The following TRPS1 variants were observed in gnomAD, a reference collection of about 807,000 sequenced individuals.
The protein encoded by TRPS1 is transcriptional repressor GATA binding 1.
A neutral mutation model predicts 101.2 loss-of-function variants in TRPS1; 6 were observed. The observed-to-expected ratio is 0.06, with a 90% CI of 0.03 to 0.12. TRPS1 has a LOEUF of 0.12. Among genes scored for constraint, TRPS1 ranks in the 10% least tolerant of loss-of-function variants. The probability of loss-of-function intolerance (pLI) is 1.00; values close to 1 mark genes in which losing one functional copy is unlikely to be tolerated. For synonymous variants in TRPS1, 578 were observed against 589.8 expected, an observed-to-expected ratio of 0.98 and a Z score of 0.29; for missense variants, 1,363 against 1,567.0, an observed-to-expected ratio of 0.87 and a Z score of 2.20.
chr8:115,441,611 T>A (rs1813594372), intron 5 of TRPS1, among the ~76,000 whole-genome samples: 1 of 152,060 alleles, frequency 6.6e-6, no homozygotes, highest in African/African-American at 2.4e-5. Flanking sequence ...TAGTAAGAAA[T>A]CATGCTTAGT....
chr8:115,636,254 T>C (rs1586480990), intron 1 of TRPS1, among the ~76,000 whole-genome samples: 1 of 152,196 alleles, frequency 6.6e-6, no homozygotes, highest in South Asian at 2.1e-4. Context: ...ACACATTTAA[T>C]TTCCAATAGG....
chr8:115,455,708 C>T (rs1488351696), intron 5 of TRPS1, among the ~76,000 whole-genome samples: 1 of 151,782 alleles, frequency 6.6e-6, no homozygotes, highest in African/African-American at 2.4e-5. Flanking sequence ...TTTCCTTTTT[C>T]CTCCAAAGAC....
At chr8:115,497,900 C>T (rs2130128815) in intron 5 of TRPS1, among the ~76,000 whole-genome samples, 1 of 147,868 alleles carries the variant, frequency 6.8e-6, no homozygotes, top group South Asian at 2.2e-4. Flanking sequence ...AGATTAGAGG[C>T]ATCCAAAAAG....
chr8:115,560,235 C>T (rs1816914944), intron 5 of TRPS1, among the ~76,000 whole-genome samples: 1 of 152,096 alleles, frequency 6.6e-6, no homozygotes. Flanking sequence ...ATTTATAAAA[C>T]AGGTCAGGAA....
At position 115,587,574 on chromosome 8, in the gene TRPS1, C is replaced by A. The variant is rs755741281; in HGVS notation, c.2127G>T (p.Gln709His). The change falls in exon 5 of 7, where the codon CAG (glutamine) becomes CAT (histidine). Residue 709 changes from glutamine (Q) to histidine (H), a missense_variant. Gln to His is a conservative substitution (Grantham distance 24, BLOSUM62 0). This residue lies in a region of TRPS1 where 1,020 missense variants were observed against 1,073.0 expected (regional missense o/e 0.95). Coordinates refer to ENST00000395715, the MANE Select transcript of TRPS1 (RefSeq NM_014112.5). The part of the protein sequence containing the change: ...RRAHSCYKCR[Q>H]CSFTAADTQS... The stretch of plus-strand genomic sequence containing the variant: ...GAGTATCGGCAGCTGTAAAACTGCA[C>A]TGACGGCATTTGTAGCAGCTGTGTG... 3.1e-6 allele frequency: 5 copies of A among 1,614,028 alleles called. No individual in the cohort carries two copies. In the South Asian group the frequency reaches 5.5e-5, roughly 18 times the overall value.
intron 5 of TRPS1, among the ~76,000 whole-genome samples, chr8:115,573,441 AC>A: frequency 6.6e-6 from 1 of 152,118 alleles, no homozygotes; most frequent in Non-Finnish European, 1.5e-5. Flanking sequence ...TGTCACCCGC[AC>A]ATATAAACTT....
chr8:115,647,786 A>T (rs1189756689), intron 1 of TRPS1, among the ~76,000 whole-genome samples: 1 of 152,150 alleles, frequency 6.6e-6, no homozygotes, highest in African/African-American at 2.4e-5. Context: ...ATTTTGTTAT[A>T]TTCATTTGAG....
intron 5 of TRPS1, among the ~76,000 whole-genome samples, chr8:115,574,707 C>T (rs1385196842): frequency 6.6e-6 from 1 of 150,736 alleles, no homozygotes; most frequent in Non-Finnish European, 1.5e-5. Context: ...AGAAATTTGA[C>T]ATATTAAGAA....
In TRPS1 at chr8:115,604,179, G is replaced by A. The variant is rs762906317; in HGVS notation, c.1790C>T (p.Pro597Leu). The change falls in exon 4 of 7, where the codon CCG (proline) becomes CTG (leucine). Residue 597 changes from proline (P) to leucine (L), a missense_variant. Pro to Leu is a moderately conservative substitution (Grantham distance 98). This residue lies in a region of TRPS1 where 1,020 missense variants were observed against 1,073.0 expected (regional missense o/e 0.95). Transcript: ENST00000395715. The surrounding 1 kb of genome is among the most constrained non-coding windows in gnomAD (Gnocchi z 4.1). ...PEKHLGEITYPFACRKSNCSH... is the reference protein window; with the variant it reads ...PEKHLGEITYLFACRKSNCSH... ...ACAATTACTTTTTCTACAAGCAAAC[G>A]GATAAGTAATTTCTCCAAGGTGCTT... 6.2e-6 allele frequency: 10 copies of A among 1,614,040 alleles called. No individual in the cohort carries two copies. Among genetic ancestry groups the A allele is most frequent in the South Asian group, 5.5e-5 (5 of 91,074 alleles).
intron 5 of TRPS1, among the ~76,000 whole-genome samples, chr8:115,427,127 A>G (rs1223584728): frequency 6.6e-6 from 1 of 152,028 alleles, no homozygotes; most frequent in Middle Eastern, 3.4e-3. Context: ...TAAAAAAAAA[A>G]TTAGTTGGGT....
intron 5 of TRPS1, among the ~76,000 whole-genome samples, chr8:115,561,829 C>T (rs1012022910): frequency 6.6e-5 from 10 of 151,652 alleles, no homozygotes; most frequent in African/African-American, 2.4e-4. Context: ...ACTTACAACC[C>T]CATCTAAAAA....
At chr8:115,492,784 G>A (rs373334054) in intron 5 of TRPS1, among the ~76,000 whole-genome samples, 1 of 152,098 alleles carries the variant, frequency 6.6e-6, no homozygotes, top group Admixed American at 6.5e-5. Flanking sequence ...CAAGATCTCG[G>A]CTCACTGCAA....
At chr8:115,516,712 T>C (rs562363889) in intron 5 of TRPS1, among the ~76,000 whole-genome samples, 4 of 151,670 alleles carry the variant, frequency 2.6e-5, no homozygotes, top group South Asian at 4.1e-4. Flanking sequence ...GTAGGCAAGG[T>C]AGTATAGTTA....
intron 1 of TRPS1, among the ~76,000 whole-genome samples, chr8:115,625,220 T>C (rs1398625878): frequency 1.3e-5 from 2 of 151,890 alleles, no homozygotes; most frequent in Admixed American, 6.6e-5. Context: ...AATCAAAACA[T>C]GAGTAAAAAT....
At chr8:115,566,122 A>G (rs1817062227) in intron 5 of TRPS1, among the ~76,000 whole-genome samples, 1 of 152,150 alleles carries the variant, frequency 6.6e-6, no homozygotes, top group African/African-American at 2.4e-5. Flanking sequence ...TGCATGGGCA[A>G]AAGTTAAGTA....
intron 5 of TRPS1, among the ~76,000 whole-genome samples, chr8:115,516,332 T>C (rs1047041486): frequency 1.3e-5 from 2 of 151,668 alleles, no homozygotes; most frequent in Admixed American, 1.3e-4. Context: ...CTACATTTTA[T>C]ATTGTTATAT....
intron 5 of TRPS1, among the ~76,000 whole-genome samples, chr8:115,486,714 A>G (rs1339689873): frequency 6.6e-6 from 1 of 152,214 alleles, no homozygotes; most frequent in Non-Finnish European, 1.5e-5. Context: ...GTCTAACCCA[A>G]AGCAAGGCCC....
chr8:115,607,577 G>A (rs886891128), intron 3 of TRPS1, among the ~76,000 whole-genome samples: 3 of 151,808 alleles, frequency 2.0e-5, no homozygotes, highest in Non-Finnish European at 2.9e-5. Flanking sequence ...AAAACTCACG[G>A]ATCTCATTTA....
At chr8:115,448,967 G>A (rs1344295369) in intron 5 of TRPS1, among the ~76,000 whole-genome samples, 1 of 152,102 alleles carries the variant, frequency 6.6e-6, no homozygotes, top group African/African-American at 2.4e-5. Context: ...TGTCAATACA[G>A]ACCCCTTTGC....
Sources: gnomAD v4.1 joint callset for allele counts (sites outside exome capture counted in the v4.1 genomes callset) on GRCh38, gnomAD v4.1.1 for gene constraint, gnomAD v4.1.1 regional missense constraint, Gnocchi (gnomAD v3.1) non-coding constraint, MANE v1.5 for transcripts, NCBI Gene and HGNC (gene_info 2026-07-23, HGNC 2026-07-21) for gene names.